ENPP2: variants seen among roughly 807,000 people sequenced by gnomAD.
ENPP2 encodes the protein ectonucleotide pyrophosphatase/phosphodiesterase 2, also known as autotaxin.
A neutral mutation model predicts 120.2 loss-of-function variants in ENPP2; 51 were observed. That is an observed-to-expected ratio of 0.42 (90% CI 0.34 to 0.54). The LOEUF (loss-of-function observed/expected upper bound fraction) is 0.54. Among genes scored for constraint, ENPP2 ranks in the 20% least tolerant of loss-of-function variants. ENPP2 has a pLI of 0.04. For synonymous variants in ENPP2, 365 were observed against 366.4 expected, an observed-to-expected ratio of 1.00 and a Z score of 0.04; for missense variants, 920 against 1,066.5, an observed-to-expected ratio of 0.86 and a Z score of 1.91.
intron 1 of ENPP2, among the ~76,000 whole-genome samples, chr8:119,671,844 C>T (rs1227468412): frequency 6.6e-6 from 1 of 152,104 alleles, no homozygotes. Context: ...AAGAGCAGTG[C>T]ACACAAACAC....
chr8:119,634,581 T>C (rs1816886472), intron 2 of ENPP2, among the ~76,000 whole-genome samples: 1 of 152,212 alleles, frequency 6.6e-6, no homozygotes, highest in South Asian at 2.1e-4. Context: ...AGCGACTTTA[T>C]CCCCATTTTC....
chr8:119,573,810 G>GA (rs142422469), intron 19 of ENPP2, among the ~76,000 whole-genome samples: 19,194 of 151,728 alleles, frequency 0.13, 1,341 homozygotes, highest in South Asian at 0.18. Context: ...CTCTGTCTCA[G>GA]AAAAAAAAGA....
chr8:119,585,355 TA>T (rs1813030628), intron 15 of ENPP2, among the ~76,000 whole-genome samples: 1 of 152,242 alleles, frequency 6.6e-6, no homozygotes, highest in Admixed American at 6.5e-5. Context: ...TGTGTCTCTC[TA>T]AACATCCCAT....
At chr8:119,669,715 G>T (rs1414073103) in intron 1 of ENPP2, among the ~76,000 whole-genome samples, 15 of 152,220 alleles carry the variant, frequency 9.9e-5, no homozygotes, top group Admixed American at 9.8e-4. Flanking sequence ...TTCATACAAA[G>T]TGCAATATGT....
chr8:119,599,068 C>T (rs377757575), intron 11 of ENPP2, among the ~76,000 whole-genome samples: 1 of 152,128 alleles, frequency 6.6e-6, no homozygotes, highest in African/African-American at 2.4e-5. Context: ...TTAGGTTAAT[C>T]TCAAAGAAAG....
chr8:119,671,876 G>A (rs950689554), intron 1 of ENPP2, among the ~76,000 whole-genome samples: 1 of 152,180 alleles, frequency 6.6e-6, no homozygotes, highest in African/African-American at 2.4e-5. Context: ...AGCCCTTTAA[G>A]TATTAAATTG....
At chr8:119,671,132 CAAAAAA>C (rs371191607) in intron 1 of ENPP2, among the ~76,000 whole-genome samples, 24 of 115,222 alleles carry the variant, frequency 2.1e-4, no homozygotes, top group East Asian at 5.1e-4. Flanking sequence ...ACTAAAAATA[CAAAAAA>C]AAAAAAAAAA....
At chr8:119,644,055 A>T (rs982857437) in intron 1 of ENPP2, among the ~76,000 whole-genome samples, 3 of 152,098 alleles carry the variant, frequency 2.0e-5, no homozygotes, top group African/African-American at 7.2e-5. Flanking sequence ...GGAGAGGTTA[A>T]CAGAGGCCGG....
intron 1 of ENPP2, among the ~76,000 whole-genome samples, chr8:119,644,209 G>A (rs1036790569): frequency 6.6e-6 from 1 of 151,624 alleles, no homozygotes; most frequent in African/African-American, 2.4e-5. Context: ...GAATCAGAGG[G>A]AGTCAAGAAT....
At chr8:119,607,432 T>C (rs1019401325) in intron 9 of ENPP2, among the ~76,000 whole-genome samples, 1 of 152,030 alleles carries the variant, frequency 6.6e-6, no homozygotes, top group African/African-American at 2.4e-5. Context: ...TCCCAGCACT[T>C]TGGGAGACAG....
chr8:119,638,353 A>G (rs1817130366), intron 2 of ENPP2, 72 bp downstream of exon 2: 2 of 774,344 alleles, frequency 2.6e-6, no homozygotes, highest in Admixed American at 4.4e-5. Flanking sequence ...AAATATTTTA[A>G]TAAGCTTACA....
chr8:119,593,686 T>C (rs1587421262), intron 12 of ENPP2, 66 bp downstream of exon 12: 1 of 1,026,670 alleles, frequency 9.7e-7, no homozygotes, highest in East Asian at 2.4e-5. Context: ...GCAAGGATTC[T>C]TTTCCTCAAT....
rs573974185 is a variant in ENPP2, at chr8:119,612,312, A to G, written c.777+3953T>C. Among the ~76,000 whole-genome samples, 88 of 152,356 alleles carry G rather than the reference A, an allele frequency of 5.8e-4. 1 individual carries two copies. Among genetic ancestry groups the G allele is most frequent in the Admixed American group, 5.2e-4 (8 of 15,310 alleles). ...GAAAAGAAACAACAGAATAAAGAATAGGTTAAATGTTCCTGAAAAGAAATA... is the reference window on the plus strand; with the variant it reads ...GAAAAGAAACAACAGAATAAAGAATGGGTTAAATGTTCCTGAAAAGAAATA... On this transcript the variant is annotated intron_variant, in intron 8 of 24. Transcript: ENST00000075322.
intron 19 of ENPP2, chr8:119,572,242 T>G (rs767647409): frequency 1.9e-6 from 3 of 1,552,170 alleles, no homozygotes; most frequent in Non-Finnish European, 2.6e-6. Context: ...CTGAATTTCC[T>G]GGTTTCAGCT....
At chr8:119,623,769 G>A (rs549015108) in intron 3 of ENPP2, among the ~76,000 whole-genome samples, 1 of 151,896 alleles carries the variant, frequency 6.6e-6, no homozygotes, top group Admixed American at 6.6e-5. Context: ...GGGATTACAG[G>A]TGCCTCCCCC....
chr8:119,623,395 G>A (rs1816046865), intron 3 of ENPP2, among the ~76,000 whole-genome samples: 1 of 152,036 alleles, frequency 6.6e-6, no homozygotes, highest in Non-Finnish European at 1.5e-5. Context: ...AACCCAGGAG[G>A]CAGAGGTTGC....
At chr8:119,600,496 G>A (rs1046447936) in intron 11 of ENPP2, among the ~76,000 whole-genome samples, 182 bp downstream of exon 11, 5 of 152,190 alleles carry the variant, frequency 3.3e-5, no homozygotes, top group African/African-American at 1.2e-4. Context: ...TGAAGCTCCT[G>A]TAACAGAAAC....
At chr8:119,582,739 T>G in intron 17 of ENPP2, 137 bp from the exon 18 acceptor site, 1 of 660,018 alleles carries the variant, frequency 1.5e-6, no homozygotes, top group Non-Finnish European at 2.6e-6. Flanking sequence ...CAAATGTAGA[T>G]GGCAGGCACC....
chr8:119,642,517 G>A (rs1284644017), upstream of ENPP2, among the ~76,000 whole-genome samples: 3 of 152,016 alleles, frequency 2.0e-5, no homozygotes, highest in East Asian at 3.9e-4. Context: ...GAGAAGTAGA[G>A]CATTATAATA....
Sources: gnomAD v4.1 joint callset for allele counts (sites outside exome capture counted in the v4.1 genomes callset) on GRCh38, gnomAD v4.1.1 for gene constraint, MANE v1.5 for transcripts, NCBI Gene and HGNC (gene_info 2026-07-23, HGNC 2026-07-21) for gene names.